TLK2: variants seen among roughly 807,000 people sequenced by gnomAD.
The protein encoded by TLK2 is serine/threonine-protein kinase tousled-like 2.
Under a neutral mutation model 117.3 loss-of-function variants are expected in TLK2, and 6 were observed. The ratio of observed to expected loss-of-function variants is 0.05; its 90% confidence interval spans 0.03 to 0.10. The LOEUF (loss-of-function observed/expected upper bound fraction) is 0.10, where lower values mean the gene tolerates loss of function less well. Ranked by LOEUF, TLK2 falls within the 10% of genes least tolerant of loss-of-function variation. The probability of loss-of-function intolerance (pLI) is 1.00; values close to 1 mark genes in which losing one functional copy is unlikely to be tolerated. For synonymous variants in TLK2, 257 were observed against 316.7 expected, an observed-to-expected ratio of 0.81 and a Z score of 2.00; for missense variants, 299 against 901.2, an observed-to-expected ratio of 0.33 and a Z score of 8.56.
chr17:62,471,313 C>A (rs1209520389), intron 1 of TLK2, among the ~76,000 whole-genome samples: 2 of 152,132 alleles, frequency 1.3e-5, no homozygotes, highest in African/African-American at 2.4e-5. Context: ...GGGCATTTGA[C>A]AAATGCCAGT....
At chr17:62,506,519 T>C (rs1415804607) in intron 2 of TLK2, among the ~76,000 whole-genome samples, 2 of 152,022 alleles carry the variant, frequency 1.3e-5, no homozygotes, top group Non-Finnish European at 2.9e-5. Flanking sequence ...ATTTTTTTTC[T>C]TTTTTTTCCT....
intron 19 of TLK2, among the ~76,000 whole-genome samples, chr17:62,603,738 G>A (rs895017004): frequency 2.6e-5 from 4 of 152,000 alleles, no homozygotes; most frequent in Non-Finnish European, 5.9e-5. Flanking sequence ...TCATTTTACT[G>A]TTCTTTCTGC....
intron 2 of TLK2, among the ~76,000 whole-genome samples, chr17:62,486,027 A>G (rs2072326648): frequency 6.6e-6 from 1 of 151,802 alleles, no homozygotes; most frequent in African/African-American, 2.4e-5. Context: ...TCACCGTGTT[A>G]GCCAGGATGG....
intron 9 of TLK2, among the ~76,000 whole-genome samples, chr17:62,554,489 G>A (rs1270988664): frequency 6.6e-6 from 1 of 152,204 alleles, no homozygotes; most frequent in African/African-American, 2.4e-5. Context: ...GGCTGAGACA[G>A]GAGAATTGAT....
At chr17:62,607,588 C>T (rs2083409383) in intron 20 of TLK2, among the ~76,000 whole-genome samples, 1 of 152,122 alleles carries the variant, frequency 6.6e-6, no homozygotes, top group East Asian at 1.9e-4. Flanking sequence ...GTAACCCCAA[C>T]TCTTTCTTTT....
chr17:62,499,438 T>C (rs1272950059), intron 2 of TLK2, among the ~76,000 whole-genome samples: 1 of 152,078 alleles, frequency 6.6e-6, no homozygotes, highest in African/African-American at 2.4e-5. Context: ...GTGTTGGGAT[T>C]ACAGGTGTTA....
intron 6 of TLK2, 29 bp from the exon 7 acceptor site, chr17:62,536,141 C>T (rs2077099413): frequency 2.1e-5 from 34 of 1,600,256 alleles, no homozygotes; most frequent in Non-Finnish European, 2.7e-5. Context: ...TTTCTCATGT[C>T]ATTTGTGTGT....
rs1598072252 is a variant in TLK2, at chr17:62,478,865, G to A, written c.-431G>A. 6.6e-6 allele frequency among the ~76,000 whole-genome samples: 1 copy of A among 151,178 alleles called. No individual in the cohort carries two copies. Among genetic ancestry groups the A allele is most frequent in the East Asian group, 2.0e-4 (1 of 5,092 alleles). On this transcript the variant is annotated 5_prime_UTR_variant, in exon 1 of 22. Transcript: ENST00000346027. Reference sequence around the variant, plus strand: ...CGAACCGATCCGGATTAAGGGGCCGGAGGCGGGTCCTGGGCACCAGCGGTT... The same window carrying A: ...CGAACCGATCCGGATTAAGGGGCCGAAGGCGGGTCCTGGGCACCAGCGGTT...
intron 6 of TLK2, among the ~76,000 whole-genome samples, chr17:62,534,973 C>T (rs931693781): frequency 1.5e-5 from 2 of 136,950 alleles, no homozygotes; most frequent in African/African-American, 2.7e-5. Flanking sequence ...ACTGCAACTT[C>T]CGCCTCCTGG....
chr17:62,560,215 A>G (rs1598589866), intron 10 of TLK2, 89 bp downstream of exon 10: 1 of 929,040 alleles, frequency 1.1e-6, no homozygotes. Flanking sequence ...TTGAGATGAA[A>G]ATATTTAAAA....
intron 7 of TLK2, chr17:62,551,499 A>ATC (rs1396350062): frequency 6.6e-6 from 1 of 152,018 alleles, no homozygotes; most frequent in Non-Finnish European, 1.5e-5. Context: ...AGGTCAGGAG[A>ATC]TCAAGACCAT....
At chr17:62,604,776 G>A (rs772719824) in intron 19 of TLK2, among the ~76,000 whole-genome samples, 1 of 151,648 alleles carries the variant, frequency 6.6e-6, no homozygotes, top group Non-Finnish European at 1.5e-5. Flanking sequence ...GGGCGTGGTG[G>A]TGCACGCCTG....
chr17:62,479,898 A>G (rs2071419116), intron 1 of TLK2, among the ~76,000 whole-genome samples: 1 of 152,216 alleles, frequency 6.6e-6, no homozygotes, highest in Non-Finnish European at 1.5e-5. Context: ...CGATTAGGGC[A>G]GGGCAAGACG....
rs182743817 is a variant in TLK2 at position 62,488,974 on chromosome 17, C to T, written c.81+7768C>T. Among the ~76,000 whole-genome samples the T allele has an allele frequency of 5.2e-3, 787 of 151,486 alleles. 5 individuals carry two copies. Among genetic ancestry groups the T allele is most frequent in the African/African-American group, 0.018 (749 of 41,302 alleles). ...CTGAGTAGCTGGGCCTACAGGCACA[C>T]ACCACCACACTTGAATAATTTTTGT... On this transcript the variant is annotated intron_variant, in intron 2 of 21. Transcript: ENST00000346027.
chr17:62,566,531 C>T (rs1486302716), intron 11 of TLK2, among the ~76,000 whole-genome samples: 2 of 152,056 alleles, frequency 1.3e-5, no homozygotes, highest in African/African-American at 4.8e-5. Context: ...CAAAGAATAC[C>T]TTGGAAGGAA....
chr17:62,487,474 G>A (rs1440939546), intron 2 of TLK2, among the ~76,000 whole-genome samples: 9 of 145,176 alleles, frequency 6.2e-5, no homozygotes, highest in Non-Finnish European at 6.0e-5. Context: ...AGCTGAGATC[G>A]CGCCATTGCG....
rs148605411 is a variant in TLK2, at chr17:62,481,417, C to T, written c.81+211C>T. Among the ~76,000 whole-genome samples the T allele has an allele frequency of 3.7e-3, 560 of 152,258 alleles. 2 individuals carry two copies. Among genetic ancestry groups the T allele is most frequent in the African/African-American group, 0.013 (520 of 41,556 alleles). On this transcript the variant is annotated intron_variant, in intron 2 of 21. Coordinates refer to ENST00000346027, the MANE Select transcript of TLK2 (RefSeq NM_006852.6). ...ATGTTCTATATGGGAATATATGTTTCTTCTTCCTTTCTGGTATAGGAGAGG... is the reference window on the plus strand; with the variant it reads ...ATGTTCTATATGGGAATATATGTTTTTTCTTCCTTTCTGGTATAGGAGAGG...
rs746988825 is a variant in TLK2 at position 62,502,028 on chromosome 17, A to ATTTTTTT, written c.82-18745_82-18744insTTTTTTT. On this transcript the variant is annotated intron_variant, in intron 2 of 21. Coordinates refer to ENST00000346027, the MANE Select transcript of TLK2 (RefSeq NM_006852.6). ...ATCAAACATTTAAGGAAAAAATACC[A>ATTTTTTT]ATTTTTTTTTTTTTTTTTACAAATT... Among the ~76,000 whole-genome samples the ATTTTTTT allele has an allele frequency of 3.1e-4, 41 of 134,226 alleles. 5 individuals are homozygous for ATTTTTTT. The highest frequency in any genetic ancestry group is 3.5e-4 in the Non-Finnish European group (22 of 62,740). The allele number at this position is 134,226 out of a possible 152,430, so 88.1% of individuals were successfully genotyped here.
Position 62,519,678 on chromosome 17 carries a change from C to A in TLK2, c.82-1095C>A, listed in dbSNP as rs191808864. Among the ~76,000 whole-genome samples the A allele has an allele frequency of 3.0e-3, 456 of 152,212 alleles. 3 individuals are homozygous for A. Among genetic ancestry groups the A allele is most frequent in the African/African-American group, 0.01 (436 of 41,528 alleles). The stretch of plus-strand genomic sequence containing the variant: ...TATTGTTTATAATATAAAATTATTT[C>A]TTCCTCTTGATGCTACTGTGTATGG... On this transcript the variant is annotated intron_variant, in intron 2 of 21. Coordinates refer to ENST00000346027, the MANE Select transcript of TLK2 (RefSeq NM_006852.6).
Sources: allele counts gnomAD v4.1 joint callset (sites outside exome capture counted in the v4.1 genomes callset), GRCh38; gene constraint gnomAD v4.1.1; transcripts MANE v1.5; gene names NCBI Gene and HGNC (gene_info 2026-07-23, HGNC 2026-07-21).